The following MN1 variants were observed in gnomAD, a reference collection of about 807,000 sequenced individuals.
MN1 encodes transcriptional activator MN1.
In MN1, 19 loss-of-function variants were observed where a neutral mutation model predicts 86.9. That is an observed-to-expected ratio of 0.22 (90% CI 0.15 to 0.32). MN1 has a LOEUF of 0.32. Among genes scored for constraint, MN1 ranks in the 10% least tolerant of loss-of-function variants. The pLI, the probability that MN1 is intolerant of heterozygous loss-of-function variation, is 1.00. For synonymous variants in MN1, 928 were observed against 849.6 expected (o/e 1.09, Z -1.60); for missense variants, 1,841 against 1,862.0 (o/e 0.99, Z 0.21).
In MN1 at chr22:27,797,464, G is replaced by A; in HGVS notation, c.3080C>T (p.Ser1027Phe). 5.6e-6 allele frequency: 9 copies of A among 1,601,568 alleles called. No individual in the cohort carries two copies. The highest frequency in any genetic ancestry group is 7.7e-6 in the Non-Finnish European group (9 of 1,173,962). Reference protein sequence around the residue: ...LLGDQPDLIGSLDGGAKSDSS... With the variant: ...LLGDQPDLIGFLDGGAKSDSS... ...GTCCGACTTGGCCCCGCCGTCCAGG[G>A]ACCCAATGAGGTCCGGCTGATCCCC... The change falls in exon 1 of 2, where the codon TCC (serine) becomes TTC (phenylalanine). Residue 1027 changes from serine (S) to phenylalanine (F), a missense_variant. Coordinates refer to ENST00000302326, the MANE Select transcript of MN1 (RefSeq NM_002430.3).
At chr22:27,766,600 G>C (rs1932871769) in intron 1 of MN1, among the ~76,000 whole-genome samples, 1 of 152,162 alleles carries the variant, frequency 6.6e-6, no homozygotes, top group Non-Finnish European at 1.5e-5. Context: ...CTCTGGTATA[G>C]AGAAGCAGGA....
intron 1 of MN1, among the ~76,000 whole-genome samples, chr22:27,774,040 C>T (rs769882615): frequency 1.9e-4 from 29 of 152,150 alleles, no homozygotes; most frequent in Non-Finnish European, 3.7e-4. Context: ...ACAGAGCAAA[C>T]GGCCCCCTGG....
chr22:27,780,191 G>A (rs1040466311), intron 1 of MN1, among the ~76,000 whole-genome samples: 5 of 152,146 alleles, frequency 3.3e-5, no homozygotes, highest in African/African-American at 1.2e-4. Context: ...GCCTGTCTGT[G>A]CTCCACACCC....
In MN1 at chr22:27,798,007, A is replaced by C; in HGVS notation, c.2537T>G (p.Val846Gly). The change falls in exon 1 of 2, where the codon GTG (valine) becomes GGG (glycine). Residue 846 changes from valine to glycine, a missense_variant. Val to Gly is a moderately radical substitution (Grantham distance 109). Coordinates refer to ENST00000302326, the MANE Select transcript of MN1 (RefSeq NM_002430.3). ...IASLGAPNLN[V>G]TFNKKNPPEG... ...TGGCGGGTTCTTCTTGTTGAAGGTC[A>C]CGTTGAGGTTGGGGGCCCCGAGGCT... 3 of 1,598,382 alleles carry C rather than the reference A, an allele frequency of 1.9e-6. No individual in the cohort carries two copies. Among genetic ancestry groups the C allele is most frequent in the Non-Finnish European group, 2.6e-6 (3 of 1,174,204 alleles).
At chr22:27,775,335 G>T (rs1016978444) in intron 1 of MN1, among the ~76,000 whole-genome samples, 1 of 152,184 alleles carries the variant, frequency 6.6e-6, no homozygotes, top group Admixed American at 6.5e-5. Context: ...CAGAGGGTGG[G>T]AGTGGCCAGG....
At chr22:27,795,093 G>T (rs1933271245) in intron 1 of MN1, among the ~76,000 whole-genome samples, 1 of 151,862 alleles carries the variant, frequency 6.6e-6, no homozygotes, top group Non-Finnish European at 1.5e-5. Flanking sequence ...AGAAGCTGAG[G>T]GTCCCAAACT....
chr22:27,774,065 G>A (rs1434062962), intron 1 of MN1, among the ~76,000 whole-genome samples: 2 of 152,140 alleles, frequency 1.3e-5, no homozygotes, highest in Admixed American at 6.5e-5. Context: ...ACCTGCAGCT[G>A]CCAAATGCTT....
intron 1 of MN1, among the ~76,000 whole-genome samples, chr22:27,776,846 C>T (rs1300201002): frequency 1.3e-5 from 2 of 152,022 alleles, no homozygotes; most frequent in African/African-American, 4.8e-5. Context: ...TGTGGAAGAG[C>T]CCAAAGGAAC....
chr22:27,767,352 G>A (rs979987770), intron 1 of MN1, among the ~76,000 whole-genome samples: 12 of 152,142 alleles, frequency 7.9e-5, no homozygotes, highest in South Asian at 4.2e-4. Flanking sequence ...TACTGAGAGG[G>A]GCGACGCCCT....
At position 27,797,114 on chromosome 22, in the gene MN1, C is replaced by T. The variant is rs1455764061; in HGVS notation, c.3430G>A (p.Ala1144Thr). Residue 1144 changes from alanine (A) to threonine (T), a missense_variant, in exon 1 of 2, where the codon GCC (alanine) becomes ACC (threonine). By Grantham distance (58) the Ala-to-Thr change is moderately conservative. Coordinates refer to ENST00000302326, the MANE Select transcript of MN1 (RefSeq NM_002430.3). ...GGGTGGATCTCGTCGGGTGGCGGGG[C>T]GCCGCTGCTGCTCGTCGGGGTGCGG... The part of the protein sequence containing the change: ...QVRTPTSSSG[A>T]PPPDEIHPLE... The T allele has an allele frequency of 1.3e-6, 2 of 1,593,320 alleles. No homozygotes were observed. Among genetic ancestry groups the T allele is most frequent in the Non-Finnish European group, 8.5e-7 (1 of 1,171,266 alleles).
At chr22:27,763,186 T>G (rs921326871) in intron 1 of MN1, among the ~76,000 whole-genome samples, 2 of 152,170 alleles carry the variant, frequency 1.3e-5, no homozygotes, top group African/African-American at 4.8e-5. Flanking sequence ...GGAGGAAACA[T>G]GAGGTTCAGT....
rs1258569750 is a variant in MN1, at chr22:27,800,864, G to A, written c.-321C>T. 2 of 441,146 alleles carry A rather than the reference G, an allele frequency of 4.5e-6. No homozygotes were observed. The highest frequency in any genetic ancestry group is 4.1e-6 in the Non-Finnish European group (1 of 246,080). 27.3% of individuals were successfully genotyped at this position (441,146 alleles called of 1,614,324 possible). A position where few individuals can be genotyped will look rare whatever the true frequency, so the allele number is the denominator to read the frequency against. ...GGGTCTGCGGGGAGGGGACGAAGCC[G>A]CGGATGAACGGAGACAAAAAGTTAA... On this transcript the variant is annotated 5_prime_UTR_variant, in exon 1 of 2. Coordinates refer to ENST00000302326, the MANE Select transcript of MN1 (RefSeq NM_002430.3).
At position 27,801,658 on chromosome 22, in the gene MN1, C is replaced by G. The variant is rs943880596; in HGVS notation, c.-1115G>C. On this transcript the variant is annotated 5_prime_UTR_variant, in exon 1 of 2. Coordinates refer to ENST00000302326, the MANE Select transcript of MN1 (RefSeq NM_002430.3). ...GCAGCTCTGGGGGGTCTGCGCACCCCTCTCCCGACTAGCGGGGGGGCTCTG... is the reference window on the plus strand; with the variant it reads ...GCAGCTCTGGGGGGTCTGCGCACCCGTCTCCCGACTAGCGGGGGGGCTCTG... 6.6e-6 allele frequency among the ~76,000 whole-genome samples: 1 copy of G among 151,936 alleles called. No individual in the cohort carries two copies. The highest frequency in any genetic ancestry group is 2.4e-5 in the African/African-American group (1 of 41,376).
intron 1 of MN1, among the ~76,000 whole-genome samples, chr22:27,770,718 G>A (rs558309932): frequency 1.4e-5 from 2 of 143,732 alleles, no homozygotes; most frequent in Non-Finnish European, 2.9e-5. Flanking sequence ...GAGAGCAGTG[G>A]CGCAATCACA....
chr22:27,800,557 C>G lies in MN1; in HGVS notation c.-14G>C. 2 of 1,613,802 alleles carry G rather than the reference C, an allele frequency of 1.2e-6. No individual in the cohort carries two copies. Among genetic ancestry groups the G allele is most frequent in the East Asian group, 2.2e-5 (1 of 44,854 alleles). On this transcript the variant is annotated 5_prime_UTR_variant, in exon 1 of 2. Transcript: ENST00000302326. Reference sequence around the variant, plus strand: ...CAGCCCAAACATACTTGGCGGGGGGCAGAGGGGGATCAATAGGGCATGACA... The same window carrying G: ...CAGCCCAAACATACTTGGCGGGGGGGAGAGGGGGATCAATAGGGCATGACA...
chr22:27,782,674 CTAT>C (rs564185328), intron 1 of MN1, among the ~76,000 whole-genome samples: 1,851 of 152,212 alleles, frequency 0.012, 17 homozygotes, highest in Non-Finnish European at 0.013. Flanking sequence ...GAGGCGGGAA[CTAT>C]TATTATTCTC....
chr22:27,753,970 C>T (rs913243456), intron 1 of MN1, among the ~76,000 whole-genome samples: 1 of 152,128 alleles, frequency 6.6e-6, no homozygotes, highest in African/African-American at 2.4e-5. Flanking sequence ...GAGAGAAAAT[C>T]TGAAAGGGGG....
chr22:27,767,795 G>GA lies in MN1; in HGVS notation c.3782-16700dup, dbSNP rs1052665768. ...AGGGTTTGGGGGGTTTTGACAAAAA[G>GA]AAAAAAAAGAGAGAAAGAGAGAGAC... On this transcript the variant is annotated intron_variant, in intron 1 of 1. Coordinates refer to ENST00000302326, the MANE Select transcript of MN1 (RefSeq NM_002430.3). Among the ~76,000 whole-genome samples, 4 of 151,540 alleles carry GA rather than the reference G, an allele frequency of 2.6e-5. No individual in the cohort carries two copies. In the East Asian group the frequency reaches 5.8e-4, roughly 22 times the overall value.
At chr22:27,789,574 C>T (rs142526997) in intron 1 of MN1, among the ~76,000 whole-genome samples, 10 of 152,286 alleles carry the variant, frequency 6.6e-5, no homozygotes, top group Non-Finnish European at 1.0e-4. Flanking sequence ...AACACGAAAA[C>T]GTGATTTCCC....
Sources: gnomAD v4.1 joint callset for allele counts (sites outside exome capture counted in the v4.1 genomes callset) on GRCh38, gnomAD v4.1.1 for gene constraint, MANE v1.5 for transcripts, NCBI Gene and HGNC (gene_info 2026-07-23, HGNC 2026-07-21) for gene names.